The following IL3RA variants were observed in gnomAD, a reference collection of about 807,000 sequenced individuals.
The protein encoded by IL3RA is interleukin 3 receptor subunit alpha.
Under a neutral mutation model 52.3 loss-of-function variants are expected in IL3RA, and 73 were observed. That is an observed-to-expected ratio of 1.40 (90% CI 1.16 to 1.70). IL3RA has a LOEUF of 1.70. IL3RA is among the 40% of genes most tolerant of loss of function. The pLI is 0.00. For missense variants in IL3RA, 664 were observed against 504.4 expected (o/e 1.32, Z -3.03); for synonymous variants, 260 against 194.0 (o/e 1.34, Z -2.83).
At chrX:1,380,360 C>G (rs748269943) in intron 10 of IL3RA, among the ~76,000 whole-genome samples, 1 of 122,808 alleles carries the variant, frequency 8.1e-6, no homozygotes, top group East Asian at 2.3e-4. Flanking sequence ...GGCATCAGAG[C>G]TTCACAATCT....
chrX:1,366,299 G>C (rs866226958), intron 9 of IL3RA, among the ~76,000 whole-genome samples: 2 of 68,214 alleles, frequency 2.9e-5, no homozygotes, highest in Admixed American at 1.3e-4. Context: ...CGGGGTGAGC[G>C]GGGTGCGCGG....
Position 1,380,926 on chromosome X carries a change from CTCTGTCCTGGCACTG to C in IL3RA, c.981-86_981-72del, listed in dbSNP as rs759953233. The C allele has an allele frequency of 1.6e-3, 1,677 of 1,040,634 alleles. 19 individuals are homozygous for C. The African/African-American group carries it at 0.023, about 14-fold the overall frequency. 64.5% of individuals were successfully genotyped at this position (1,040,634 alleles called of 1,614,324 possible). A position where few individuals can be genotyped will look rare whatever the true frequency, so the allele number is the denominator to read the frequency against. ...TCGAGTAGATGACTTGAGTCTTTTG[CTCTGTCCTGGCACTG>C]TCTGTCCTGGACACGCTGTGTCCCA... On this transcript the variant is annotated intron_variant, in intron 10 of 11. Coordinates refer to ENST00000331035, the MANE Select transcript of IL3RA (RefSeq NM_002183.4).
chrX:1,378,220 A>C (rs191901227), intron 9 of IL3RA, among the ~76,000 whole-genome samples: 6,504 of 151,624 alleles, frequency 0.043, 507 homozygotes, highest in African/African-American at 0.15. Context: ...AGAAAAAATT[A>C]ACACACACAC....
Position 1,352,373 on chromosome X carries a change from A to C in IL3RA, c.483A>C (p.Thr161=), listed in dbSNP as rs761694120. Residue 161 remains threonine (T), a synonymous_variant, in exon 6 of 12, where the codon ACA becomes ACC. Transcript: ENST00000331035. ...ACTACAAAACGGATGCTCAGGGAAC[A>C]CGTATCGGGTGTCGTTTCGATGACA... The part of the protein sequence containing the change: ...CLHYKTDAQG[T]RIGCRFDDIS... The C allele has an allele frequency of 1.9e-6, 3 of 1,613,852 alleles. No homozygotes were observed. Among genetic ancestry groups the C allele is most frequent in the Admixed American group, 3.3e-5 (2 of 60,004 alleles).
Position 1,368,670 on chromosome X carries a change from T to C in IL3RA, c.874+3418T>C, listed in dbSNP as rs149351694. Among the ~76,000 whole-genome samples the C allele has an allele frequency of 7.2e-3, 1,098 of 151,496 alleles. 34 individuals carry two copies. The highest frequency in any genetic ancestry group is 0.067 in the South Asian group (323 of 4,806). On this transcript the variant is annotated intron_variant, in intron 9 of 11. Coordinates refer to ENST00000331035, the MANE Select transcript of IL3RA (RefSeq NM_002183.4). ...CTGGGGTCCTTATAAGAAGAGGAGA[T>C]GAGGACACAGACACACACAGAGGGA...
In IL3RA at chrX:1,343,051, G is replaced by C. The variant is rs1305335661; in HGVS notation, c.64+1222G>C. Among the ~76,000 whole-genome samples, 8 of 151,840 alleles carry C rather than the reference G, an allele frequency of 5.3e-5. No individual in the cohort carries two copies. The South Asian group carries it at 1.7e-3, about 32-fold the overall frequency. On this transcript the variant is annotated intron_variant, in intron 2 of 11. Coordinates refer to ENST00000331035, the MANE Select transcript of IL3RA (RefSeq NM_002183.4). Reference sequence around the variant, plus strand: ...GATCACGCCATTGCACTCCAGCCTGGGCGACAGAGTGAGACTCCGTCTCAA... The same window carrying C: ...GATCACGCCATTGCACTCCAGCCTGCGCGACAGAGTGAGACTCCGTCTCAA...
intron 6 of IL3RA, among the ~76,000 whole-genome samples, chrX:1,352,851 TCCATCATGGGTC>T (rs1310449653): frequency 7.4e-5 from 11 of 149,568 alleles, no homozygotes; most frequent in South Asian, 6.4e-4. Context: ...CATCATGGGT[TCCATCATGGGTC>T]CCATCATGGG....
At chrX:1,355,191 A>G (rs1603444941) in intron 6 of IL3RA, among the ~76,000 whole-genome samples, 1 of 4,792 alleles carries the variant, frequency 2.1e-4, no homozygotes, top group Admixed American at 2.7e-3. Flanking sequence ...GAGGGGGAGG[A>G]GGGTGGAGGG....
intron 6 of IL3RA, among the ~76,000 whole-genome samples, chrX:1,355,112 AGAG>A (rs753456162): frequency 0.036 from 1,133 of 31,316 alleles, 167 homozygotes; most frequent in African/African-American, 0.053. Flanking sequence ...GAGCGGGAGG[AGAG>A]GAGGAGGAGG....
At chrX:1,364,398 G>A (rs1309003880) in intron 8 of IL3RA, among the ~76,000 whole-genome samples, 1 of 152,056 alleles carries the variant, frequency 6.6e-6, no homozygotes, top group Non-Finnish European at 1.5e-5. Context: ...GGCTGAGGCA[G>A]GAGAATCGCT....
intron 8 of IL3RA, among the ~76,000 whole-genome samples, chrX:1,362,321 G>A (rs183239721): frequency 4.7e-5 from 5 of 107,368 alleles, no homozygotes; most frequent in South Asian, 6.1e-4. Context: ...TTGTATCTCC[G>A]TCTCTCCCTG....
In IL3RA at chrX:1,368,571, G is replaced by C. The variant is rs150223498; in HGVS notation, c.874+3319G>C. Among the ~76,000 whole-genome samples the C allele has an allele frequency of 4.9e-3, 740 of 152,290 alleles. 9 individuals are homozygous for C. The highest frequency in any genetic ancestry group is 0.017 in the African/African-American group (703 of 41,556). On this transcript the variant is annotated intron_variant, in intron 9 of 11. Coordinates refer to ENST00000331035, the MANE Select transcript of IL3RA (RefSeq NM_002183.4). ...CCCCAGGACCTCAGAATGTGACTGT[G>C]TTTGGAGTTGGGGTGTTTAAAGAGG...
rs1338247164 is a variant in IL3RA at position 1,356,707 on chromosome X, G to A, written c.732+371G>A. ...GAATTGCTTGAACCCAGGAGGTGGG[G>A]GTTGCAGTGAGCCGAGATCGCGCCA... On this transcript the variant is annotated intron_variant, in intron 7 of 11. Transcript: ENST00000331035. Among the ~76,000 whole-genome samples, 11 of 151,974 alleles carry A rather than the reference G, an allele frequency of 7.2e-5. No homozygotes were observed. The East Asian group carries it at 1.7e-3, about 24-fold the overall frequency.
At chrX:1,357,822 G>C (rs1360944823) in intron 7 of IL3RA, among the ~76,000 whole-genome samples, 11 of 149,350 alleles carry the variant, frequency 7.4e-5, no homozygotes, top group African/African-American at 2.7e-4. Context: ...AAAATAAATG[G>C]CTGGGTGCAG....
chrX:1,381,826 G>A (rs1176538745), intron 11 of IL3RA, among the ~76,000 whole-genome samples: 4 of 149,454 alleles, frequency 2.7e-5, no homozygotes, highest in Admixed American at 2.0e-4. Flanking sequence ...ACAGGCATGA[G>A]CCACCATGCC....
intron 9 of IL3RA, among the ~76,000 whole-genome samples, chrX:1,368,622 G>C (rs747592813): frequency 6.6e-6 from 1 of 152,164 alleles, no homozygotes; most frequent in Non-Finnish European, 1.5e-5. Flanking sequence ...GAGGTCATTA[G>C]GGTGGGCCCT....
intron 1 of IL3RA, among the ~76,000 whole-genome samples, chrX:1,339,614 A>G (rs112666341): frequency 0.034 from 5,220 of 152,226 alleles, 297 homozygotes; most frequent in African/African-American, 0.12. Flanking sequence ...CAACATGGTG[A>G]AACACCATCT....
intron 2 of IL3RA, among the ~76,000 whole-genome samples, chrX:1,342,354 C>T (rs1208916515): frequency 1.3e-5 from 2 of 151,740 alleles, no homozygotes; most frequent in Non-Finnish European, 2.9e-5. Context: ...TTGATAGAGA[C>T]GGGATTTCAC....
chrX:1,352,169 G>C lies in IL3RA; in HGVS notation c.368G>C (p.Ser123Thr), dbSNP rs17883572. ...CATGACGTGGATTTCTTGAGCTGCA[G>C]CTGGGCGGTAGGCCCGGGGGCCCCC... ...WIHDVDFLSCSWAVGPGAPAD... is the reference protein window; with the variant it reads ...WIHDVDFLSCTWAVGPGAPAD... The change falls in exon 5 of 12, where the codon AGC (serine) becomes ACC (threonine). Residue 123 changes from serine to threonine, a missense_variant. Physicochemically the swap from Ser to Thr is moderately conservative, Grantham distance 58 (BLOSUM62 1). Coordinates refer to ENST00000331035, the MANE Select transcript of IL3RA (RefSeq NM_002183.4). 3.0e-3 allele frequency: 4,817 copies of C among 1,613,838 alleles called. 20 individuals carry two copies. The highest frequency in any genetic ancestry group is 3.6e-3 in the Non-Finnish European group (4,216 of 1,179,844).
Sources: gnomAD v4.1 joint callset for allele counts (sites outside exome capture counted in the v4.1 genomes callset) on GRCh38, gnomAD v4.1.1 for gene constraint, MANE v1.5 for transcripts, NCBI Gene and HGNC (gene_info 2026-07-23, HGNC 2026-07-21) for gene names.